Variants in DPP10 observed in about 807,000 individuals in gnomAD.
The protein encoded by DPP10 is inactive dipeptidyl peptidase 10.
Under a neutral mutation model 120.9 loss-of-function variants are expected in DPP10, and 33 were observed. The ratio of observed to expected loss-of-function variants is 0.27; its 90% confidence interval spans 0.21 to 0.37. DPP10 has a LOEUF of 0.37. Ranked by LOEUF, DPP10 falls within the 10% of genes least tolerant of loss-of-function variation. The pLI, the probability that DPP10 is intolerant of heterozygous loss-of-function variation, is 1.00. For synonymous variants in DPP10, 337 were observed against 326.1 expected (o/e 1.03, Z -0.36); for missense variants, 816 against 942.8 (o/e 0.87, Z 1.76).
At chr2:115,397,342 C>T (rs2067754978) in intron 3 of DPP10, among the ~76,000 whole-genome samples, 2 of 152,192 alleles carry the variant, frequency 1.3e-5, no homozygotes, top group Admixed American at 6.5e-5. Context: ...TTGCATCTTA[C>T]TGTCTAACTA....
At chr2:114,449,110 A>G (rs575464237) in intron 1 of DPP10, among the ~76,000 whole-genome samples, 2 of 152,284 alleles carry the variant, frequency 1.3e-5, no homozygotes, top group East Asian at 3.9e-4. Context: ...GGGATTTAGA[A>G]TCATACTAAT....
intron 9 of DPP10, among the ~76,000 whole-genome samples, chr2:115,740,853 G>A (rs1426397682): frequency 6.6e-6 from 1 of 152,102 alleles, no homozygotes; most frequent in Non-Finnish European, 1.5e-5. Flanking sequence ...TGGGAAACGT[G>A]TAAAATTTCT....
intron 1 of DPP10, among the ~76,000 whole-genome samples, chr2:115,185,967 A>T (rs1423982484): frequency 2.0e-5 from 3 of 152,240 alleles, no homozygotes; most frequent in African/African-American, 7.2e-5. Flanking sequence ...TTACAGCATA[A>T]CAAAGCAACT....
At chr2:114,795,504 A>T (rs1418721768) in intron 1 of DPP10, among the ~76,000 whole-genome samples, 1 of 152,014 alleles carries the variant, frequency 6.6e-6, no homozygotes, top group Admixed American at 6.6e-5. Flanking sequence ...GGGAAAAAAA[A>T]AAAAAGGCTA....
intron 5 of DPP10, among the ~76,000 whole-genome samples, chr2:115,543,329 G>A (rs949389325): frequency 8.6e-5 from 13 of 152,010 alleles, no homozygotes; most frequent in African/African-American, 2.7e-4. Context: ...CATTTTGACA[G>A]GTCTCAAAAG....
chr2:115,613,493 T>G (rs2084263796), intron 5 of DPP10, among the ~76,000 whole-genome samples: 1 of 152,184 alleles, frequency 6.6e-6, no homozygotes. Context: ...CCAGCCTTTT[T>G]GTCTGACATC....
chr2:115,768,732 C>A (rs1681096954), intron 13 of DPP10, among the ~76,000 whole-genome samples: 1 of 151,948 alleles, frequency 6.6e-6, no homozygotes, highest in African/African-American at 2.4e-5. Flanking sequence ...ATTCAATGAA[C>A]ATATATATAA....
intron 3 of DPP10, among the ~76,000 whole-genome samples, chr2:115,396,318 T>G (rs1378559018): frequency 1.3e-5 from 2 of 152,218 alleles, no homozygotes; most frequent in Non-Finnish European, 2.9e-5. Flanking sequence ...TGTGATCATC[T>G]TGAAATCCGT....
At chr2:115,392,664 T>G (rs577234909) in intron 3 of DPP10, among the ~76,000 whole-genome samples, 1 of 152,194 alleles carries the variant, frequency 6.6e-6, no homozygotes, top group African/African-American at 2.4e-5. Flanking sequence ...ATATTATAGT[T>G]TATAGATCGG....
At chr2:115,593,987 C>T (rs538437062) in intron 5 of DPP10, among the ~76,000 whole-genome samples, 1 of 152,272 alleles carries the variant, frequency 6.6e-6, no homozygotes, top group East Asian at 1.9e-4. Context: ...GGGTAAATTC[C>T]TCTCTTCTTG....
chr2:115,235,264 G>T (rs2057938798), intron 1 of DPP10, among the ~76,000 whole-genome samples: 1 of 152,018 alleles, frequency 6.6e-6, no homozygotes, highest in South Asian at 2.1e-4. Flanking sequence ...CAAGGGAGTG[G>T]GACAATAGAC....
At chr2:115,161,786 GCCCGCCCGGTGCCGCTCTTCTTCCCCTC>G in intron 1 of DPP10, 4 of 601,496 alleles carry the variant, frequency 6.7e-6, no homozygotes, top group Non-Finnish European at 1.0e-5. Flanking sequence ...ACGACGGGGA[GCCCGCCCGGTGCCGCTCTTCTTCCCCTC>G]CCCGCCCCTC....
chr2:115,818,025 C>T (rs551377676), intron 21 of DPP10, among the ~76,000 whole-genome samples: 29 of 151,822 alleles, frequency 1.9e-4, no homozygotes, highest in Admixed American at 4.6e-4. Flanking sequence ...TAGAGAACAA[C>T]CAAGCCAGAA....
chr2:114,603,239 C>CT (rs528531499), intron 1 of DPP10, among the ~76,000 whole-genome samples: 56 of 152,018 alleles, frequency 3.7e-4, no homozygotes, highest in Non-Finnish European at 6.5e-4. Context: ...AATAACAACA[C>CT]TGAGAGATAA....
At chr2:115,339,148 G>A (rs114274114) in intron 2 of DPP10, among the ~76,000 whole-genome samples, 6 of 152,212 alleles carry the variant, frequency 3.9e-5, no homozygotes, top group Non-Finnish European at 7.4e-5. Context: ...GAAAGTGGGC[G>A]AATGACATGA....
At chr2:115,585,512 C>T (rs2082234175) in intron 5 of DPP10, among the ~76,000 whole-genome samples, 2 of 152,150 alleles carry the variant, frequency 1.3e-5, no homozygotes, top group African/African-American at 4.8e-5. Context: ...GTCAATTAGC[C>T]TCACATTGAA....
intron 1 of DPP10, among the ~76,000 whole-genome samples, chr2:114,610,596 G>A (rs1315301460): frequency 2.6e-5 from 4 of 152,110 alleles, no homozygotes; most frequent in African/African-American, 7.2e-5. Flanking sequence ...AGAATTGGAA[G>A]GAAGAACTGT....
chr2:115,263,463 TATCTATG>T (rs1395638142), intron 1 of DPP10, among the ~76,000 whole-genome samples: 1 of 152,228 alleles, frequency 6.6e-6, no homozygotes, highest in Non-Finnish European at 1.5e-5. Flanking sequence ...TTAGCCATGA[TATCTATG>T]ATTCTTTAAC....
At chr2:115,543,902 T>G (rs978373127) in intron 5 of DPP10, among the ~76,000 whole-genome samples, 1 of 152,054 alleles carries the variant, frequency 6.6e-6, no homozygotes, top group Non-Finnish European at 1.5e-5. Flanking sequence ...TGTGTTAATT[T>G]CAATGCTGCG....
Sources: allele counts gnomAD v4.1 joint callset (sites outside exome capture counted in the v4.1 genomes callset), GRCh38; gene constraint gnomAD v4.1.1; transcripts MANE v1.5; gene names NCBI Gene and HGNC (gene_info 2026-07-23, HGNC 2026-07-21).